GLI2: variants seen among roughly 807,000 people sequenced by gnomAD.
GLI2 encodes the protein transcription activator GLI2.
In GLI2, 22 loss-of-function variants were observed where a neutral mutation model predicts 78.9. The ratio of observed to expected loss-of-function variants is 0.28; its 90% CI spans 0.20 to 0.40. The LOEUF (loss-of-function observed/expected upper bound fraction) is 0.40, where lower values mean the gene tolerates loss of function less well. GLI2 is among the 10% of genes least tolerant of loss of function. The probability of loss-of-function intolerance (pLI) is 1.00; values close to 1 mark genes in which losing one functional copy is unlikely to be tolerated. For missense variants in GLI2, 2,097 were observed against 2,213.2 expected (o/e 0.95, Z 1.05); for synonymous variants, 974 against 963.7 (o/e 1.01, Z -0.20).
At chr2:120,945,798 TC>T (rs1680677143) in intron 3 of GLI2, among the ~76,000 whole-genome samples, 1 of 152,116 alleles carries the variant, frequency 6.6e-6, no homozygotes. Flanking sequence ...CACATGCCTA[TC>T]TTTGAACCGA....
intron 3 of GLI2, among the ~76,000 whole-genome samples, chr2:120,936,039 A>G (rs1214503606): frequency 6.6e-6 from 1 of 152,062 alleles, no homozygotes; most frequent in Non-Finnish European, 1.5e-5. Flanking sequence ...CAGGATCGGG[A>G]TGAACTATTC....
At chr2:120,917,675 T>C (rs542775724) in intron 2 of GLI2, among the ~76,000 whole-genome samples, 12 of 152,374 alleles carry the variant, frequency 7.9e-5, no homozygotes, top group African/African-American at 1.4e-4. Flanking sequence ...GGCTGGGACC[T>C]GGTCACATCC....
intron 2 of GLI2, among the ~76,000 whole-genome samples, chr2:120,865,482 G>A (rs1386258930): frequency 3.3e-5 from 5 of 152,220 alleles, no homozygotes; most frequent in Non-Finnish European, 7.3e-5. Flanking sequence ...CCCCGAGGCT[G>A]AGGAAAAGTT....
chr2:120,952,314 A>G (rs925522316), intron 4 of GLI2, among the ~76,000 whole-genome samples: 10 of 152,244 alleles, frequency 6.6e-5, no homozygotes, highest in Admixed American at 2.0e-4. Flanking sequence ...GCTAGAGGAC[A>G]TCTGCAACTT....
chr2:120,990,759 C>CA lies in GLI2; in HGVS notation c.*90dup, dbSNP rs1186992447. 1.6e-5 allele frequency: 19 copies of CA among 1,213,330 alleles called. No homozygotes were observed. The highest frequency in any genetic ancestry group is 2.0e-4 in the Middle Eastern group (1 of 5,108). 75.2% of individuals were successfully genotyped at this position (1,213,330 alleles called of 1,614,324 possible). On this transcript the variant is annotated 3_prime_UTR_variant, in exon 14 of 14. Transcript: ENST00000361492. ...GGATTCCAGCTGTCTTGTCTTTTTC[C>CA]AAAAAAGTGTTAAATAGGCTTGAGG...
chr2:120,990,160 G>A lies in GLI2; in HGVS notation c.4195G>A (p.Val1399Met). 6.2e-7 allele frequency: 1 copy of A among 1,612,158 alleles called. No individual in the cohort carries two copies. The highest frequency in any genetic ancestry group is 8.5e-7 in the Non-Finnish European group (1 of 1,179,212). The change falls in exon 14 of 14, where the codon GTG (valine) becomes ATG (methionine). Residue 1399 changes from valine to methionine, a missense_variant. Transcript: ENST00000361492. ...GTCCAGTCAGGAAACAGCAGAGGCT[G>A]TGCCCAAGGGAGCGATGGGCAACAT... ...MPSSQETAEAVPKGAMGNMGS... is the reference protein window; with the variant it reads ...MPSSQETAEAMPKGAMGNMGS...
intron 1 of GLI2, among the ~76,000 whole-genome samples, chr2:120,759,205 T>C (rs1158371839): frequency 6.6e-6 from 1 of 152,140 alleles, no homozygotes; most frequent in East Asian, 1.9e-4. Context: ...TTTTTCTCCA[T>C]ACCCACGGCA....
chr2:120,772,581 C>T (rs548122120), intron 1 of GLI2, among the ~76,000 whole-genome samples: 1 of 152,386 alleles, frequency 6.6e-6, no homozygotes, highest in South Asian at 2.1e-4. Flanking sequence ...GCCCTTCGGG[C>T]CTGGCCATAG....
At chr2:120,954,536 G>C (rs1681148947) in intron 4 of GLI2, among the ~76,000 whole-genome samples, 1 of 152,188 alleles carries the variant, frequency 6.6e-6, no homozygotes, top group South Asian at 2.1e-4. Flanking sequence ...CAGTGGCTAG[G>C]AGCTTGCTTC....
At position 120,895,697 on chromosome 2, in the gene GLI2, C is replaced by T. The variant is rs1044653385; in HGVS notation, c.149-31664C>T. Among the ~76,000 whole-genome samples, 4 of 152,014 alleles carry T rather than the reference C, an allele frequency of 2.6e-5. No homozygotes were observed. The East Asian group carries it at 5.8e-4, about 22-fold the overall frequency. On this transcript the variant is annotated intron_variant, in intron 2 of 13. Coordinates refer to ENST00000361492, the MANE Select transcript of GLI2 (RefSeq NM_001374353.1). ...CAGCCTGGGTGACAGAGCGAGACTC[C>T]GTCACAAAAAACAAGAACAGAAACA...
chr2:120,962,132 G>A (rs990783191), intron 5 of GLI2, among the ~76,000 whole-genome samples: 4 of 152,166 alleles, frequency 2.6e-5, no homozygotes, highest in Non-Finnish European at 4.4e-5. Context: ...CCCATCTTCT[G>A]CATGAGACAA....
intron 2 of GLI2, among the ~76,000 whole-genome samples, chr2:120,802,999 A>G (rs1281864588): frequency 6.6e-6 from 1 of 152,178 alleles, no homozygotes; most frequent in African/African-American, 2.4e-5. Context: ...ATTCTGATAC[A>G]CTCCTAAGTT....
In GLI2 at chr2:120,986,653, G is replaced by T. The variant is rs182532589; in HGVS notation, c.2242+39G>T. 446 of 1,539,456 alleles carry T rather than the reference G, an allele frequency of 2.9e-4. 1 individual carries two copies. The African/African-American group carries it at 5.7e-3, about 20-fold the overall frequency. On this transcript the variant is annotated intron_variant, in intron 13 of 13. Transcript: ENST00000361492. ...TGGGGTTTGCAGATGGGGCAGAAGA[G>T]AGTCTGGGGCAGCACCAACTAGGCT...
chr2:120,963,692 C>A (rs1681701325), intron 5 of GLI2, among the ~76,000 whole-genome samples: 1 of 152,226 alleles, frequency 6.6e-6, no homozygotes, highest in Non-Finnish European at 1.5e-5. Context: ...TACTCCCTGC[C>A]CCCTGAGACA....
intron 1 of GLI2, among the ~76,000 whole-genome samples, chr2:120,745,695 C>G (rs995496996): frequency 6.6e-6 from 1 of 152,192 alleles, no homozygotes; most frequent in African/African-American, 2.4e-5. Flanking sequence ...GCTAATGTTA[C>G]AAGTGCACCT....
Position 120,842,989 on chromosome 2 carries a change from G to C in GLI2, c.148+45521G>C, listed in dbSNP as rs192044569. Among the ~76,000 whole-genome samples the C allele has an allele frequency of 3.1e-3, 469 of 152,268 alleles. 9 individuals are homozygous for C. The highest frequency in any genetic ancestry group is 2.8e-3 in the Non-Finnish European group (193 of 68,028). ...ATCATTCCCTGGGTTGTACAAGTTG[G>C]TGCACCAGATTAAAGATAAAGTCAT... On this transcript the variant is annotated intron_variant, in intron 2 of 13. Transcript: ENST00000361492.
rs199672409 is a variant in GLI2 at position 120,764,431 on chromosome 2, C to CTT, written c.-31+28149_-31+28150dup. ...CAGGTGTTTCTGTGAATGCTTTAAT[C>CTT]TTTTAAAAAAAAGAGAACGGATTAC... On this transcript the variant is annotated intron_variant, in intron 1 of 13. Transcript: ENST00000361492. Among the ~76,000 whole-genome samples, 312 of 148,246 alleles carry CTT rather than the reference C, an allele frequency of 2.1e-3. 4 individuals carry two copies. The highest frequency in any genetic ancestry group is 7.8e-3 in the African/African-American group (306 of 39,272).
intron 1 of GLI2, among the ~76,000 whole-genome samples, chr2:120,761,730 G>C (rs556823923): frequency 1.3e-5 from 2 of 152,310 alleles, no homozygotes; most frequent in Admixed American, 6.5e-5. Context: ...GCCCCACGGT[G>C]CTGGGAAGGA....
chr2:120,822,797 T>C (rs1685844416), intron 2 of GLI2, among the ~76,000 whole-genome samples: 1 of 152,190 alleles, frequency 6.6e-6, no homozygotes, highest in African/African-American at 2.4e-5. Context: ...CCCTGGGCTT[T>C]TGAAATTCAA....
Sources: gnomAD v4.1 joint callset for allele counts (sites outside exome capture counted in the v4.1 genomes callset) on GRCh38, gnomAD v4.1.1 for gene constraint, MANE v1.5 for transcripts, NCBI Gene and HGNC (gene_info 2026-07-23, HGNC 2026-07-21) for gene names.